Variants in PRKN observed in about 807,000 individuals in gnomAD.
PRKN encodes the protein parkin RBR E3 ubiquitin protein ligase.
PRKN carries 56 observed loss-of-function variants against 59.5 expected under a neutral mutation model. The ratio of observed to expected loss-of-function variants is 0.94; its 90% CI spans 0.76 to 1.18. The LOEUF (loss-of-function observed/expected upper bound fraction) is 1.18, where lower values mean the gene tolerates loss of function less well. PRKN is among the 50% of genes most tolerant of loss of function. PRKN has a pLI of 0.00. For missense variants in PRKN, 657 were observed against 596.4 expected (o/e 1.10, Z -1.06); for synonymous variants, 250 against 222.1 (o/e 1.13, Z -1.12).
chr6:162,144,829 A>G (rs1781952310), intron 4 of PRKN, among the ~76,000 whole-genome samples: 1 of 152,182 alleles, frequency 6.6e-6, no homozygotes, highest in East Asian at 1.9e-4. Context: ...CCTTGGTGAG[A>G]GAACCACATT....
rs1462515733 is a variant in PRKN at position 161,393,223 on chromosome 6, A to G, written c.1084-6346T>C. Among the ~76,000 whole-genome samples the G allele has an allele frequency of 1.3e-5, 2 of 152,192 alleles. No homozygotes were observed. The highest frequency in any genetic ancestry group is 2.9e-5 in the Non-Finnish European group (2 of 68,044). ...TTTCTCCATGGGGCTATGATGTTTA[A>G]CAAGTGGTAAGAGTCTGTAGAAAAA... On this transcript the variant is annotated intron_variant, in intron 9 of 11. Transcript: ENST00000366898. This position sits in a 1 kb window ranked among gnomAD's most constrained non-coding sequence, Gnocchi z 4.7.
chr6:162,569,162 C>A, intron 1 of PRKN: 1 of 601,252 alleles, frequency 1.7e-6, no homozygotes, highest in South Asian at 1.6e-5. Flanking sequence ...TGTACCAGAT[C>A]AAGTATAAGG....
chr6:162,618,121 A>G (rs1782506937), intron 1 of PRKN, among the ~76,000 whole-genome samples: 1 of 152,190 alleles, frequency 6.6e-6, no homozygotes, highest in Non-Finnish European at 1.5e-5. Context: ...ATAAATTACT[A>G]TTACATGCCT....
intron 9 of PRKN, among the ~76,000 whole-genome samples, chr6:161,443,818 G>A (rs1789364133): frequency 6.6e-6 from 1 of 152,186 alleles, no homozygotes; most frequent in Non-Finnish European, 1.5e-5. Context: ...GAGCCAAGGG[G>A]TTAATGGAAA....
At position 162,188,856 on chromosome 6, in the gene PRKN, C is replaced by G. The variant is rs553175280; in HGVS notation, c.534+12275G>C. 2.0e-5 allele frequency among the ~76,000 whole-genome samples: 3 copies of G among 150,730 alleles called. No individual in the cohort carries two copies. In the East Asian group the frequency reaches 5.9e-4, roughly 30 times the overall value. On this transcript the variant is annotated intron_variant, in intron 4 of 11. Transcript: ENST00000366898. ...AGGTCAGATAACTTTCTCTCAAGCT[C>G]TTTAACAATGAAAACAGTTTTGTGA...
chr6:162,255,539 C>T (rs1393819938), intron 3 of PRKN, among the ~76,000 whole-genome samples: 1 of 152,064 alleles, frequency 6.6e-6, no homozygotes, highest in Non-Finnish European at 1.5e-5. Context: ...TGATAGGGGG[C>T]CAATGATTCT....
rs1785546009 is a variant in PRKN at position 161,373,969 on chromosome 6, G to A, written c.1167+12825C>T. ...GCGTGGCTGGGGTGCCTTTCAAAGTGGCGTTCACTCCCTTTTCCCCCAGGT... is the reference window on the plus strand; with the variant it reads ...GCGTGGCTGGGGTGCCTTTCAAAGTAGCGTTCACTCCCTTTTCCCCCAGGT... On this transcript the variant is annotated intron_variant, in intron 10 of 11. Coordinates refer to ENST00000366898, the MANE Select transcript of PRKN (RefSeq NM_004562.3). The surrounding 1 kb of genome is among the most constrained non-coding windows in gnomAD (Gnocchi z 4.8). Among the ~76,000 whole-genome samples the A allele has an allele frequency of 6.6e-6, 1 of 152,106 alleles. No individual in the cohort carries two copies. The highest frequency in any genetic ancestry group is 2.4e-5 in the African/African-American group (1 of 41,434).
rs566555229 is a variant in PRKN, at chr6:161,554,753, T to TAC, written c.934-5752_934-5751dup. Among the ~76,000 whole-genome samples the TAC allele has an allele frequency of 2.9e-3, 438 of 150,326 alleles. 1 individual carries two copies. The highest frequency in any genetic ancestry group is 0.01 in the Middle Eastern group (3 of 288). On this transcript the variant is annotated intron_variant, in intron 8 of 11. Transcript: ENST00000366898. The surrounding 1 kb of genome is among the most constrained non-coding windows in gnomAD (Gnocchi z 4.5). Reference sequence around the variant, plus strand: ...GTGTGTGTATATATATATATATATATACATACACACTTATATTTATACATA... The same window carrying TAC: ...GTGTGTGTATATATATATATATATATACACATACACACTTATATTTATACATA...
Position 161,690,654 on chromosome 6 carries a change from C to G in PRKN, c.871+95118G>C, listed in dbSNP as rs182084608. Among the ~76,000 whole-genome samples the G allele has an allele frequency of 3.1e-3, 473 of 152,298 alleles. 3 individuals carry two copies. Among genetic ancestry groups the G allele is most frequent in the South Asian group, 0.025 (120 of 4,832 alleles). Reference sequence around the variant, plus strand: ...AGAATGGATGGGCAGCATCCCATCACTAAGGACCCGAACAGAACAAAAAGG... The same window carrying G: ...AGAATGGATGGGCAGCATCCCATCAGTAAGGACCCGAACAGAACAAAAAGG... On this transcript the variant is annotated intron_variant, in intron 7 of 11. Transcript: ENST00000366898.
At chr6:162,176,297 CTAATT>C (rs1041418548) in intron 4 of PRKN, among the ~76,000 whole-genome samples, 7 of 152,004 alleles carry the variant, frequency 4.6e-5, no homozygotes, top group African/African-American at 1.2e-4. Flanking sequence ...TTGGTTGAGG[CTAATT>C]TAATTTAAGT....
At chr6:162,548,351 CT>C (rs1779202653) in intron 1 of PRKN, among the ~76,000 whole-genome samples, 1 of 152,158 alleles carries the variant, frequency 6.6e-6, no homozygotes, top group African/African-American at 2.4e-5. Flanking sequence ...GCCACCGTGC[CT>C]GGTCCTCTCT....
chr6:162,190,871 C>A (rs1321975524), intron 4 of PRKN, among the ~76,000 whole-genome samples: 11 of 152,144 alleles, frequency 7.2e-5, no homozygotes, highest in African/African-American at 2.4e-4. Context: ...ATAAATTAAC[C>A]CACTGCCCTA....
intron 4 of PRKN, among the ~76,000 whole-genome samples, chr6:162,146,385 C>A: frequency 6.6e-6 from 1 of 151,678 alleles, no homozygotes; most frequent in East Asian, 1.9e-4. Context: ...AACCTACCTT[C>A]CCTTTGGAAA....
At chr6:162,373,275 A>G (rs1785869863) in intron 2 of PRKN, among the ~76,000 whole-genome samples, 1 of 152,202 alleles carries the variant, frequency 6.6e-6, no homozygotes, top group Non-Finnish European at 1.5e-5. Context: ...TGGCTATGTA[A>G]AGGTGAGTTT....
Position 161,897,966 on chromosome 6 carries a change from C to CAAAAAAAAAAAAAAAAAAA in PRKN, c.734+75335_734+75336insTTTTTTTTTTTTTTTTTTT, listed in dbSNP as rs55714271. ...TGGGTGACAGAGCGAGACTCCGTCTCAAAAAAAAAAAAAAAAAAGTCTCCC... is the reference window on the plus strand; with the variant it reads ...TGGGTGACAGAGCGAGACTCCGTCTCAAAAAAAAAAAAAAAAAAAAAAAAAAAAAAAAAAAAAGTCTCCC... On this transcript the variant is annotated intron_variant, in intron 6 of 11. Coordinates refer to ENST00000366898, the MANE Select transcript of PRKN (RefSeq NM_004562.3). Among the ~76,000 whole-genome samples the CAAAAAAAAAAAAAAAAAAA allele has an allele frequency of 6.0e-4, 23 of 38,290 alleles. 2 individuals are homozygous for CAAAAAAAAAAAAAAAAAAA. The highest frequency in any genetic ancestry group is 7.1e-4 in the African/African-American group (5 of 7,044). The allele number at this position is 38,290 out of a possible 152,430, so 25.1% of individuals were successfully genotyped here. A position where few individuals can be genotyped will look rare whatever the true frequency, so the allele number is the denominator to read the frequency against.
intron 4 of PRKN, among the ~76,000 whole-genome samples, chr6:162,102,897 G>T (rs1018568087): frequency 1.3e-5 from 2 of 151,976 alleles, no homozygotes; most frequent in African/African-American, 4.8e-5. Flanking sequence ...CAAAAAATTA[G>T]CCAGGCGTGG....
At chr6:161,819,890 G>GT (rs1218914940) in intron 6 of PRKN, among the ~76,000 whole-genome samples, 4 of 152,054 alleles carry the variant, frequency 2.6e-5, no homozygotes, top group Non-Finnish European at 5.9e-5. Flanking sequence ...ATCAAAACTC[G>GT]TAAGAGATAC....
Position 161,448,476 on chromosome 6 carries a change from G to A in PRKN, c.1084-61599C>T, listed in dbSNP as rs936216175. 6.6e-6 allele frequency among the ~76,000 whole-genome samples: 1 copy of A among 152,094 alleles called. No individual in the cohort carries two copies. The highest frequency in any genetic ancestry group is 2.1e-4 in the South Asian group (1 of 4,818). On this transcript the variant is annotated intron_variant, in intron 9 of 11. Coordinates refer to ENST00000366898, the MANE Select transcript of PRKN (RefSeq NM_004562.3). This position sits in a 1 kb window ranked among gnomAD's most constrained non-coding sequence, Gnocchi z 5.1. ...TTAGATTTAATGCTGATTTCGGGGG[G>A]CATTTTTGCTTCAAATTTGTAAAAA...
At chr6:162,431,085 G>T (rs1461475072) in intron 2 of PRKN, among the ~76,000 whole-genome samples, 2 of 151,666 alleles carry the variant, frequency 1.3e-5, no homozygotes, top group Non-Finnish European at 2.9e-5. Context: ...GGGCTGGCAG[G>T]TTTTGCAGGG....
Sources: allele counts gnomAD v4.1 joint callset (sites outside exome capture counted in the v4.1 genomes callset), GRCh38; gene constraint gnomAD v4.1.1; non-coding constraint Gnocchi (gnomAD v3.1); transcripts MANE v1.5; gene names NCBI Gene and HGNC (gene_info 2026-07-23, HGNC 2026-07-21).